The following ERC2 variants were observed in gnomAD, a reference collection of about 807,000 sequenced individuals.
The protein encoded by ERC2 is ELKS/RAB6-interacting/CAST family member 2.
Under a neutral mutation model 114.8 loss-of-function variants are expected in ERC2, and 42 were observed. That is an observed-to-expected ratio of 0.37 (90% CI 0.29 to 0.47). The LOEUF is 0.47. Ranked by LOEUF, ERC2 falls within the 20% of genes least tolerant of loss-of-function variation. ERC2 has a pLI of 0.99. For missense variants in ERC2, 939 were observed against 1,150.7 expected, an observed-to-expected ratio of 0.82 and a Z score of 2.66; for synonymous variants, 454 against 425.5, an observed-to-expected ratio of 1.07 and a Z score of -0.82.
chr3:56,202,224 C>A (rs922066985), intron 3 of ERC2, among the ~76,000 whole-genome samples: 1 of 152,136 alleles, frequency 6.6e-6, no homozygotes, highest in Non-Finnish European at 1.5e-5. Flanking sequence ...ATTACCTTAT[C>A]CATGAATTGC....
At chr3:55,777,755 A>G (rs1470149065) in intron 14 of ERC2, among the ~76,000 whole-genome samples, 1 of 152,140 alleles carries the variant, frequency 6.6e-6, no homozygotes, top group Non-Finnish European at 1.5e-5. Context: ...TGGAACATAC[A>G]CTTTTACCCC....
chr3:56,417,785 T>C (rs2061225695), intron 2 of ERC2, among the ~76,000 whole-genome samples: 1 of 152,200 alleles, frequency 6.6e-6, no homozygotes, highest in Non-Finnish European at 1.5e-5. Context: ...TGTTGCCAGT[T>C]CTGCTCACAG....
intron 17 of ERC2, among the ~76,000 whole-genome samples, chr3:55,601,025 C>T (rs1397519779): frequency 2.0e-5 from 3 of 152,222 alleles, no homozygotes; most frequent in Admixed American, 6.5e-5. Context: ...AAAGCAGGTT[C>T]GCACACCATG....
At position 55,510,475 on chromosome 3, in the gene ERC2, G is replaced by T. The variant is rs2052003546; in HGVS notation, c.*841C>A. ...GGACTAGAGATATGCAGGTGCCTCA[G>T]ACTTTTGCCACTCTCCAGTACATGA... On this transcript the variant is annotated 3_prime_UTR_variant, in exon 18 of 18. Coordinates refer to ENST00000288221, the MANE Select transcript of ERC2 (RefSeq NM_015576.3). 1 of 152,578 alleles carries T rather than the reference G, an allele frequency of 6.6e-6. No homozygotes were observed. The highest frequency in any genetic ancestry group is 6.5e-5 in the Admixed American group (1 of 15,280). 9.5% of individuals were successfully genotyped at this position (152,578 alleles called of 1,614,324 possible).
chr3:56,007,956 C>T (rs190459197), intron 9 of ERC2, among the ~76,000 whole-genome samples: 4 of 152,204 alleles, frequency 2.6e-5, no homozygotes, highest in Admixed American at 2.6e-4. Flanking sequence ...TTGTTCCAGT[C>T]ACTAATCATG....
At chr3:55,905,150 G>A (rs539197419) in intron 13 of ERC2, among the ~76,000 whole-genome samples, 23 of 152,228 alleles carry the variant, frequency 1.5e-4, no homozygotes, top group Admixed American at 5.9e-4. Context: ...GCTCAATCTC[G>A]GCTCACTGCA....
chr3:55,809,780 T>C (rs548444868), intron 14 of ERC2, among the ~76,000 whole-genome samples: 173 of 152,274 alleles, frequency 1.1e-3, no homozygotes, highest in Non-Finnish European at 2.1e-3. Flanking sequence ...GGTAAGAAAT[T>C]AGCTGGAACA....
intron 3 of ERC2, among the ~76,000 whole-genome samples, chr3:56,272,980 G>T (rs1397938013): frequency 1.3e-5 from 2 of 152,114 alleles, no homozygotes; most frequent in African/African-American, 4.8e-5. Context: ...TCTCTGTAAC[G>T]CAATAACCAT....
intron 14 of ERC2, among the ~76,000 whole-genome samples, chr3:55,876,257 A>G (rs1427441309): frequency 2.0e-5 from 3 of 152,106 alleles, no homozygotes; most frequent in Non-Finnish European, 4.4e-5. Context: ...TCACTTGATA[A>G]TATTTGGACT....
chr3:55,870,037 G>A (rs181603032), intron 14 of ERC2, among the ~76,000 whole-genome samples: 4 of 152,132 alleles, frequency 2.6e-5, no homozygotes, highest in Admixed American at 2.0e-4. Flanking sequence ...AAAGAACCAG[G>A]AGGTGAAATG....
At chr3:55,565,228 T>C (rs1559662421) in intron 17 of ERC2, among the ~76,000 whole-genome samples, 1 of 152,210 alleles carries the variant, frequency 6.6e-6, no homozygotes, top group Non-Finnish European at 1.5e-5. Context: ...TTAATTCTAA[T>C]TAAAATAGTT....
chr3:55,928,404 TGTC>T (rs1193145589), intron 13 of ERC2, among the ~76,000 whole-genome samples: 4 of 152,234 alleles, frequency 2.6e-5, no homozygotes, highest in African/African-American at 7.2e-5. Context: ...GCCATTTGTA[TGTC>T]TTCTTTTGAG....
intron 17 of ERC2, among the ~76,000 whole-genome samples, chr3:55,539,415 CTTTTTTTTTTT>C (rs58749389): frequency 6.9e-4 from 27 of 39,104 alleles, no homozygotes; most frequent in African/African-American, 2.0e-3. Flanking sequence ...TTTTTTCTTT[CTTTTTTTTTTT>C]TTTTTTTTTT....
intron 2 of ERC2, among the ~76,000 whole-genome samples, chr3:56,307,523 G>A (rs1202230835): frequency 2.0e-5 from 3 of 152,182 alleles, no homozygotes; most frequent in African/African-American, 7.2e-5. Context: ...AGGCTTCAGT[G>A]AGACACTGTG....
At chr3:55,571,124 C>CAAAAAA (rs60594862) in intron 17 of ERC2, among the ~76,000 whole-genome samples, 1 of 67,442 alleles carries the variant, frequency 1.5e-5, no homozygotes, top group Non-Finnish European at 3.2e-5. Flanking sequence ...GAGACTCCGT[C>CAAAAAA]AAAAAAAAAA....
At chr3:56,257,280 T>A (rs774020088) in intron 3 of ERC2, among the ~76,000 whole-genome samples, 5 of 152,210 alleles carry the variant, frequency 3.3e-5, no homozygotes, top group Non-Finnish European at 7.3e-5. Context: ...GAAAATTCAT[T>A]TCCAAACATA....
At chr3:55,646,385 G>C (rs1409222990) in intron 17 of ERC2, among the ~76,000 whole-genome samples, 2 of 152,170 alleles carry the variant, frequency 1.3e-5, no homozygotes, top group Non-Finnish European at 2.9e-5. Context: ...TGTTTTGACT[G>C]ATGTAGCAAA....
intron 7 of ERC2, among the ~76,000 whole-genome samples, chr3:56,064,977 C>T (rs1474613527): frequency 6.6e-6 from 1 of 152,214 alleles, no homozygotes. Flanking sequence ...CTATAACATG[C>T]CAGCACTGTG....
intron 7 of ERC2, among the ~76,000 whole-genome samples, chr3:56,045,862 T>C (rs2075428714): frequency 6.6e-6 from 1 of 152,158 alleles, no homozygotes; most frequent in Non-Finnish European, 1.5e-5. Context: ...CAGGGGATCA[T>C]CATATTCCTA....
Sources: gnomAD v4.1 joint callset for allele counts (sites outside exome capture counted in the v4.1 genomes callset) on GRCh38, gnomAD v4.1.1 for gene constraint, MANE v1.5 for transcripts, NCBI Gene and HGNC (gene_info 2026-07-23, HGNC 2026-07-21) for gene names.